The following TNS3 variants were observed in gnomAD, a reference collection of about 807,000 sequenced individuals.
TNS3 encodes the protein tensin-3.
TNS3 carries 45 observed loss-of-function variants against 140.9 expected under a neutral mutation model. The observed-to-expected ratio is 0.32, with a 90% CI of 0.25 to 0.41. The LOEUF is 0.41. TNS3 is among the 10% of genes least tolerant of loss of function. TNS3 has a pLI of 1.00. For missense variants in TNS3, 1,716 were observed against 1,906.7 expected, an observed-to-expected ratio of 0.90 and a Z score of 1.86; for synonymous variants, 815 against 788.4, an observed-to-expected ratio of 1.03 and a Z score of -0.56.
In TNS3 at chr7:47,437,311, T is replaced by C. The variant is rs780774909; in HGVS notation, c.153A>G (p.Val51=). The C allele has an allele frequency of 1.4e-5, 21 of 1,498,800 alleles. No individual in the cohort carries two copies. In the South Asian group the frequency reaches 2.8e-4, roughly 20 times the overall value. 92.8% of individuals were successfully genotyped at this position (1,498,800 alleles called of 1,614,324 possible). The change falls in exon 7 of 31, where the codon GTA becomes GTG. Residue 51 remains valine, a splice_region_variant and synonymous_variant. Transcript: ENST00000311160. ...LKSKHGDNYL[V]LNLSEKRYDL... is the part of the protein sequence containing the mutation. ...CATATCTCTTTTCTGAAAGGTTTAA[T>C]ACCTATAAAAGAGAGGAAAAATTGC...
At chr7:47,351,981 C>G (rs765404987) in intron 17 of TNS3, among the ~76,000 whole-genome samples, 2 of 152,126 alleles carry the variant, frequency 1.3e-5, no homozygotes, top group Non-Finnish European at 2.9e-5. Flanking sequence ...CTTGCAGACA[C>G]ATGTATGAAC....
At chr7:47,545,298 C>G (rs1252814381) in intron 1 of TNS3, among the ~76,000 whole-genome samples, 3 of 152,074 alleles carry the variant, frequency 2.0e-5, no homozygotes, top group African/African-American at 7.2e-5. Flanking sequence ...CACCACCATG[C>G]CCAGCTAATT....
intron 17 of TNS3, among the ~76,000 whole-genome samples, chr7:47,366,218 G>A (rs1361061347): frequency 1.3e-5 from 2 of 152,006 alleles, no homozygotes; most frequent in Non-Finnish European, 2.9e-5. Context: ...TTAATGCATC[G>A]ACCTGGACCT....
In TNS3 at chr7:47,285,620, G is replaced by A. The variant is rs1281113770; in HGVS notation, c.3929-1755C>T. 2.6e-5 allele frequency among the ~76,000 whole-genome samples: 4 copies of A among 152,282 alleles called. No individual in the cohort carries two copies. The East Asian group carries it at 7.7e-4, about 29-fold the overall frequency. ...AAATTACCCAGTCTCAGATATGGCTGTATTAGCATCATGAGAGCCGACTAG... is the reference window on the plus strand; with the variant it reads ...AAATTACCCAGTCTCAGATATGGCTATATTAGCATCATGAGAGCCGACTAG... On this transcript the variant is annotated intron_variant, in intron 27 of 30. Transcript: ENST00000311160.
At chr7:47,519,781 C>T (rs1264351476) in intron 2 of TNS3, among the ~76,000 whole-genome samples, 1 of 147,482 alleles carries the variant, frequency 6.8e-6, no homozygotes, top group Non-Finnish European at 1.5e-5. Context: ...GGCCAGGCTT[C>T]GACTCCATCC....
At position 47,368,815 on chromosome 7, in the gene TNS3, G is replaced by C. The variant is rs759047572; in HGVS notation, c.1831C>G (p.Leu611Val). The C allele has an allele frequency of 1.2e-6, 2 of 1,611,578 alleles. No homozygotes were observed. Among genetic ancestry groups the C allele is most frequent in the South Asian group, 1.1e-5 (1 of 90,830 alleles). Residue 611 changes from leucine (L) to valine (V), a missense_variant, in exon 17 of 31, where the codon CTG becomes GTG. Transcript: ENST00000311160. Reference protein sequence around the residue: ...YSFAPDGEARLVSRCPADNPG... With the variant: ...YSFAPDGEARVVSRCPADNPG... ...TTGTCTGCAGGGCAGCGGCTCACCA[G>C]CCGGGCCTCCCCATCTGGGGCGAAG...
At chr7:47,524,541 G>A (rs897878646) in intron 2 of TNS3, among the ~76,000 whole-genome samples, 7 of 151,906 alleles carry the variant, frequency 4.6e-5, no homozygotes, top group East Asian at 1.9e-4. Context: ...GGTGGCTCAC[G>A]CCTGTAATCC....
At chr7:47,383,227 G>T (rs533292795) in intron 16 of TNS3, among the ~76,000 whole-genome samples, 2 of 152,352 alleles carry the variant, frequency 1.3e-5, no homozygotes, top group South Asian at 4.1e-4. Flanking sequence ...GCACACCACA[G>T]CCATGAAAGG....
rs762026975 is a variant in TNS3 at position 47,280,299 on chromosome 7, G to A, written c.4153C>T (p.Pro1385Ser). 6.2e-6 allele frequency: 10 copies of A among 1,614,100 alleles called. No individual in the cohort carries two copies. The highest frequency in any genetic ancestry group is 7.6e-6 in the Non-Finnish European group (9 of 1,180,022). The change falls in exon 29 of 31, where the codon CCA becomes TCA. Residue 1385 changes from proline (P) to serine (S), a missense_variant. Physicochemically the swap from Pro to Ser is moderately conservative, Grantham distance 74. Around this residue, in one of 3 missense-constraint regions of TNS3, gnomAD observed 216 missense variants for 295.7 expected, o/e 0.73. Transcript: ENST00000311160. ...VNSVIFCALD[P>S]QDRKWIKDGP... ...CAAATTTCTTACTTCCTGTCTTGTG[G>A]GTCCAAGGCACAGAAAATCACACTG...
chr7:47,482,371 A>C (rs572417178), intron 3 of TNS3, among the ~76,000 whole-genome samples: 2 of 152,188 alleles, frequency 1.3e-5, no homozygotes, highest in South Asian at 4.1e-4. Context: ...TCATTACTCC[A>C]CCATGGCTCT....
intron 4 of TNS3, among the ~76,000 whole-genome samples, chr7:47,479,295 G>T (rs1797322873): frequency 6.6e-6 from 1 of 152,220 alleles, no homozygotes; most frequent in Admixed American, 6.5e-5. Flanking sequence ...AGGTGGGAGA[G>T]CCTCAGCTGC....
intron 15 of TNS3, among the ~76,000 whole-genome samples, chr7:47,397,227 T>C (rs1306437845): frequency 6.6e-6 from 1 of 152,182 alleles, no homozygotes; most frequent in East Asian, 1.9e-4. Flanking sequence ...GTAAGCTGTC[T>C]CTGAGCCTCA....
At chr7:47,293,358 A>T (rs896076581) in intron 25 of TNS3, among the ~76,000 whole-genome samples, 15 of 152,238 alleles carry the variant, frequency 9.9e-5, no homozygotes, top group Admixed American at 2.6e-4. Context: ...AAGGCTCCCA[A>T]TTTGCAGGGA....
intron 13 of TNS3, among the ~76,000 whole-genome samples, chr7:47,401,544 A>T (rs1304117742): frequency 1.3e-5 from 2 of 152,202 alleles, no homozygotes; most frequent in Non-Finnish European, 2.9e-5. Flanking sequence ...ATCTGAACTC[A>T]AGCTGGGGTT....
intron 23 of TNS3, among the ~76,000 whole-genome samples, chr7:47,299,145 T>A (rs1248969861): frequency 2.6e-5 from 4 of 152,228 alleles, no homozygotes; most frequent in African/African-American, 9.6e-5. Context: ...TTTTAATTTT[T>A]ATTTTTTTGA....
At chr7:47,494,283 C>G (rs1797920088) in intron 3 of TNS3, among the ~76,000 whole-genome samples, 1 of 152,202 alleles carries the variant, frequency 6.6e-6, no homozygotes, top group Non-Finnish European at 1.5e-5. Flanking sequence ...CTGACCCCAC[C>G]CATTGTTCAA....
At chr7:47,346,016 G>A (rs971566974) in intron 18 of TNS3, among the ~76,000 whole-genome samples, 171 bp downstream of exon 18, 3 of 152,200 alleles carry the variant, frequency 2.0e-5, no homozygotes, top group African/African-American at 7.2e-5. Context: ...CGCTTGCCAG[G>A]TACAGAGGAG....
rs748756806 is a variant in TNS3, at chr7:47,369,657, A to G, written c.1025-36T>C. ...GAAAACCGGAGAGAGGCTTTCAGTC[A>G]GGGATGAAAGTGAGCCTCACACCCT... On this transcript the variant is annotated intron_variant, in intron 16 of 30. Coordinates refer to ENST00000311160, the MANE Select transcript of TNS3 (RefSeq NM_022748.12). 2.0e-6 allele frequency: 3 copies of G among 1,521,270 alleles called. No individual in the cohort carries two copies. The Admixed American group carries it at 6.4e-5, about 32-fold the overall frequency. 94.2% of individuals were successfully genotyped at this position (1,521,270 alleles called of 1,614,324 possible). A position where few individuals can be genotyped will look rare whatever the true frequency, so the allele number is the denominator to read the frequency against.
chr7:47,522,265 G>A (rs1048468773), intron 2 of TNS3, among the ~76,000 whole-genome samples: 1 of 152,214 alleles, frequency 6.6e-6, no homozygotes, highest in Admixed American at 6.5e-5. Context: ...GGCTCTCGAC[G>A]GGTGACATTC....
Sources: gnomAD v4.1 joint callset for allele counts (sites outside exome capture counted in the v4.1 genomes callset) on GRCh38, gnomAD v4.1.1 for gene constraint, gnomAD v4.1.1 regional missense constraint, MANE v1.5 for transcripts, NCBI Gene and HGNC (gene_info 2026-07-23, HGNC 2026-07-21) for gene names.